Variants in GRXCR1 observed in about 807,000 individuals in gnomAD.
The protein encoded by GRXCR1 is glutaredoxin domain-containing cysteine-rich protein 1.
A neutral mutation model predicts 27.3 loss-of-function variants in GRXCR1; 27 were observed. The observed-to-expected ratio is 0.99, with a 90% CI of 0.73 to 1.37. GRXCR1 has a LOEUF of 1.37. GRXCR1 is among the 40% of genes most tolerant of loss of function. The probability of loss-of-function intolerance (pLI) is 0.00; values close to 1 mark genes in which losing one functional copy is unlikely to be tolerated. For synonymous variants in GRXCR1, 122 were observed against 131.1 expected, an observed-to-expected ratio of 0.93 and a Z score of 0.47; for missense variants, 379 against 354.4, an observed-to-expected ratio of 1.07 and a Z score of -0.56.
intron 2 of GRXCR1, among the ~76,000 whole-genome samples, chr4:43,007,206 C>A (rs369026039): frequency 6.6e-6 from 1 of 152,192 alleles, no homozygotes; most frequent in Admixed American, 6.5e-5. Flanking sequence ...CCACCAATGG[C>A]AGTTAGACCT....
intron 1 of GRXCR1, among the ~76,000 whole-genome samples, chr4:42,939,512 G>A (rs887402540): frequency 1.3e-4 from 19 of 151,894 alleles, no homozygotes; most frequent in Admixed American, 5.3e-4. Context: ...TTATCTGATT[G>A]CTTTAGCTAG....
chr4:42,954,955 T>A (rs193069504), intron 1 of GRXCR1, among the ~76,000 whole-genome samples: 2 of 152,288 alleles, frequency 1.3e-5, no homozygotes, highest in East Asian at 3.9e-4. Flanking sequence ...AATTTAGTAT[T>A]AAGAAGAATC....
rs187367112 is a variant in GRXCR1, at chr4:42,919,313, T to G, written c.384+25663T>G. The stretch of plus-strand genomic sequence containing the variant: ...GGGGTTCTTGTTAGTTATCCTCATA[T>G]CTACTCTTTTATTGTTTTATACCTG... On this transcript the variant is annotated intron_variant, in intron 1 of 3. Coordinates refer to ENST00000399770, the MANE Select transcript of GRXCR1 (RefSeq NM_001080476.3). Among the ~76,000 whole-genome samples, 4 of 152,248 alleles carry G rather than the reference T, an allele frequency of 2.6e-5. No individual in the cohort carries two copies. The East Asian group carries it at 7.8e-4, about 30-fold the overall frequency.
chr4:42,934,528 T>C (rs901363833), intron 1 of GRXCR1, among the ~76,000 whole-genome samples: 1 of 151,872 alleles, frequency 6.6e-6, no homozygotes, highest in Admixed American at 6.6e-5. Context: ...TAGAAAGGAT[T>C]TTAGGTCACA....
chr4:42,958,498 G>A (rs543373294), intron 1 of GRXCR1, among the ~76,000 whole-genome samples: 1 of 152,000 alleles, frequency 6.6e-6, no homozygotes, highest in African/African-American at 2.4e-5. Flanking sequence ...CCCCTGGCAA[G>A]AATTTTTTTA....
chr4:42,918,619 G>T (rs1420985273), intron 1 of GRXCR1, among the ~76,000 whole-genome samples: 1 of 152,084 alleles, frequency 6.6e-6, no homozygotes, highest in Non-Finnish European at 1.5e-5. Context: ...GATATCTGCT[G>T]CTTTCCATTA....
intron 1 of GRXCR1, among the ~76,000 whole-genome samples, chr4:42,947,345 A>G (rs189328788): frequency 1.0e-3 from 152 of 152,258 alleles, no homozygotes; most frequent in African/African-American, 3.1e-3. Flanking sequence ...GTATTTGCCA[A>G]TGGGAAAAGA....
chr4:42,918,591 A>G (rs1468466704), intron 1 of GRXCR1, among the ~76,000 whole-genome samples: 1 of 152,110 alleles, frequency 6.6e-6, no homozygotes, highest in Non-Finnish European at 1.5e-5. Context: ...AGATGACAAC[A>G]CCAAGAATAT....
chr4:42,893,421 T>G lies in GRXCR1; in HGVS notation c.155T>G (p.Ile52Arg), dbSNP rs780773643. Residue 52 changes from isoleucine (I) to arginine (R), a missense_variant, in exon 1 of 4, where the codon ATA (isoleucine) becomes AGA (arginine). Ile to Arg is a moderately conservative substitution (Grantham distance 97). Coordinates refer to ENST00000399770, the MANE Select transcript of GRXCR1 (RefSeq NM_001080476.3). ...LDSECASICG[I>R]DGLGDSDGQQ... ...TCTGAATGTGCCAGTATCTGTGGGA[T>G]AGATGGACTAGGTGATTCCGATGGA... 1.2e-6 allele frequency: 2 copies of G among 1,613,686 alleles called. No individual in the cohort carries two copies. The highest frequency in any genetic ancestry group is 2.2e-5 in the East Asian group (1 of 44,854).
intron 2 of GRXCR1, among the ~76,000 whole-genome samples, chr4:42,976,838 C>T (rs1162614361): frequency 6.6e-6 from 1 of 151,922 alleles, no homozygotes; most frequent in Non-Finnish European, 1.5e-5. Context: ...AATATTCACT[C>T]AGCATTTTTC....
At chr4:42,979,759 A>C (rs902961544) in intron 2 of GRXCR1, among the ~76,000 whole-genome samples, 2 of 151,990 alleles carry the variant, frequency 1.3e-5, no homozygotes, top group Admixed American at 6.6e-5. Flanking sequence ...TAGTTCTTTA[A>C]AAGTTAGGTA....
At chr4:42,980,077 T>G (rs539351585) in intron 2 of GRXCR1, among the ~76,000 whole-genome samples, 1 of 152,132 alleles carries the variant, frequency 6.6e-6, no homozygotes, top group Admixed American at 6.5e-5. Flanking sequence ...TAAAGGTTTG[T>G]TGATTTTATT....
intron 1 of GRXCR1, among the ~76,000 whole-genome samples, chr4:42,961,511 A>G (rs765664705): frequency 2.6e-5 from 4 of 151,958 alleles, no homozygotes; most frequent in African/African-American, 4.8e-5. Flanking sequence ...CAAGACAACA[A>G]TTGCCTAATC....
At chr4:42,973,992 T>C (rs1053620264) in intron 2 of GRXCR1, among the ~76,000 whole-genome samples, 3 of 152,182 alleles carry the variant, frequency 2.0e-5, no homozygotes, top group African/African-American at 7.2e-5. Context: ...TGCACAACAA[T>C]GTACCAAAGT....
chr4:42,936,161 C>G (rs1328641209), intron 1 of GRXCR1, among the ~76,000 whole-genome samples: 1 of 151,648 alleles, frequency 6.6e-6, no homozygotes, highest in Non-Finnish European at 1.5e-5. Context: ...GTTTCTTTGT[C>G]AAATAATATA....
chr4:43,027,685 A>G (rs1713299291), intron 3 of GRXCR1, among the ~76,000 whole-genome samples: 1 of 152,204 alleles, frequency 6.6e-6, no homozygotes. Flanking sequence ...AGAAAACCAT[A>G]TGGCTATTCA....
intron 2 of GRXCR1, among the ~76,000 whole-genome samples, chr4:43,017,530 A>C (rs1712966067): frequency 6.6e-6 from 1 of 152,184 alleles, no homozygotes; most frequent in African/African-American, 2.4e-5. Context: ...TGCTTAGAAG[A>C]GTTCATGTTT....
At chr4:42,935,723 C>T (rs1404971827) in intron 1 of GRXCR1, among the ~76,000 whole-genome samples, 2 of 150,892 alleles carry the variant, frequency 1.3e-5, no homozygotes, top group Middle Eastern at 3.4e-3. Flanking sequence ...GCAGAAGCAT[C>T]TGGCAAGATT....
intron 2 of GRXCR1, among the ~76,000 whole-genome samples, chr4:42,972,575 T>C (rs1442524046): frequency 1.3e-5 from 2 of 152,198 alleles, no homozygotes; most frequent in Admixed American, 6.5e-5. Flanking sequence ...ATGACAATGA[T>C]AGTAAAAGCT....
Sources: gnomAD v4.1 joint callset for allele counts (sites outside exome capture counted in the v4.1 genomes callset) on GRCh38, gnomAD v4.1.1 for gene constraint, MANE v1.5 for transcripts, NCBI Gene and HGNC (gene_info 2026-07-23, HGNC 2026-07-21) for gene names.